The following IAH1 variants were observed in gnomAD, a reference collection of about 807,000 sequenced individuals.
IAH1 encodes the protein isoamyl acetate hydrolyzing esterase 1 (putative), also known as isoamyl acetate-hydrolyzing esterase 1 homolog.
A neutral mutation model predicts 26.7 loss-of-function variants in IAH1; 24 were observed. The ratio of observed to expected loss-of-function variants is 0.90; its 90% CI spans 0.65 to 1.26. The LOEUF (loss-of-function observed/expected upper bound fraction) is 1.26, where lower values mean the gene tolerates loss of function less well. Ranked by LOEUF, IAH1 falls within the 50% of genes most tolerant of loss-of-function variation. The probability of loss-of-function intolerance (pLI) is 0.00; values close to 1 mark genes in which losing one functional copy is unlikely to be tolerated. For synonymous variants in IAH1, 140 were observed against 118.5 expected, an observed-to-expected ratio of 1.18 and a Z score of -1.18; for missense variants, 300 against 299.9, an observed-to-expected ratio of 1.00 and a Z score of 0.00.
Position 9,474,944 on chromosome 2 carries a change from G to T in IAH1, c.81+297G>T. 1 of 942,486 alleles carries T rather than the reference G, an allele frequency of 1.1e-6. No homozygotes were observed. Among genetic ancestry groups the T allele is most frequent in the Non-Finnish European group, 1.3e-6 (1 of 761,702 alleles). The allele number at this position is 942,486 out of a possible 1,614,324, so 58.4% of individuals were successfully genotyped here. A position where few individuals can be genotyped will look rare whatever the true frequency, so the allele number is the denominator to read the frequency against. On this transcript the variant is annotated intron_variant, in intron 1 of 5. Transcript: ENST00000497473. The surrounding 1 kb of genome is among the most constrained non-coding windows in gnomAD (Gnocchi z 4.3). ...CCTCCCACCCGGGTCGAGATGCGCG[G>T]TCTTCCCCTCAGCGCCCTCCTGGGC...
At chr2:9,506,407 A>G in the IAH1 span, among the ~76,000 whole-genome samples, 1 of 122,200 alleles carries the variant, frequency 8.2e-6, no homozygotes, top group Non-Finnish European at 1.6e-5. Flanking sequence ...TTGCTCTGTC[A>G]CCAGGCTGGA....
chr2:9,484,480 C>G lies in IAH1; in HGVS notation c.494C>G (p.Ala165Gly). 1.9e-6 allele frequency: 3 copies of G among 1,614,152 alleles called. No individual in the cohort carries two copies. The highest frequency in any genetic ancestry group is 2.5e-6 in the Non-Finnish European group (3 of 1,180,004). ...LNSVVGEYAN[A>G]CLQVAQDCGT... The stretch of plus-strand genomic sequence containing the variant: ...TCTGTTGTTGGTGAATATGCCAATG[C>G]GTGTTTACAAGTGGCCCAAGACTGT... The change falls in exon 5 of 6, where the codon GCG becomes GGG. Residue 165 changes from alanine to glycine, a missense_variant. Coordinates refer to ENST00000497473, the MANE Select transcript of IAH1 (RefSeq NM_001039613.3).
chr2:9,484,202 G>T (rs1192686186), intron 4 of IAH1, among the ~76,000 whole-genome samples: 2 of 152,146 alleles, frequency 1.3e-5, no homozygotes, highest in African/African-American at 4.8e-5. Context: ...AGAAGATTCC[G>T]GTTACCACTG....
In IAH1 at chr2:9,488,316, A is replaced by G. The variant is rs751867666; in HGVS notation, c.734A>G (p.Asp245Gly). 2 of 1,605,212 alleles carry G rather than the reference A, an allele frequency of 1.2e-6. No homozygotes were observed. The highest frequency in any genetic ancestry group is 1.7e-6 in the Non-Finnish European group (2 of 1,177,116). Residue 245 changes from aspartate to glycine, a missense_variant, in exon 6 of 6, where the codon GAT becomes GGT. Transcript: ENST00000497473. ...AAACCTGAATTAAGTCTGCTGGGAG[A>G]TGGAGACCATTAGCCAATCACAGGA... Reference protein sequence around the residue: ...EAKPELSLLGDGDH With the variant: ...EAKPELSLLGGGDH
chr2:9,483,101 A>T, intron 4 of IAH1, among the ~76,000 whole-genome samples: 1 of 152,234 alleles, frequency 6.6e-6, no homozygotes, highest in Non-Finnish European at 1.5e-5. Flanking sequence ...TTCCCAGGAA[A>T]ATAATATATA....
At chr2:9,479,684 T>C (rs1661041744) in intron 3 of IAH1, among the ~76,000 whole-genome samples, 1 of 151,878 alleles carries the variant, frequency 6.6e-6, no homozygotes, top group Non-Finnish European at 1.5e-5. Context: ...TGTGATCCTC[T>C]GGAAAGCTGT....
chr2:9,487,787 T>TG (rs1340270063), intron 5 of IAH1, among the ~76,000 whole-genome samples: 26 of 107,568 alleles, frequency 2.4e-4, no homozygotes, highest in African/African-American at 4.0e-4. Context: ...CCCCGGCCTT[T>TG]TTGTGTGTGT....
rs1660949882 is a variant in IAH1 at position 9,478,337 on chromosome 2, A to G, written c.250A>G (p.Ile84Val). 6.2e-7 allele frequency: 1 copy of G among 1,611,400 alleles called. No individual in the cohort carries two copies. The highest frequency in any genetic ancestry group is 2.2e-5 in the East Asian group (1 of 44,762). The change falls in exon 3 of 6, where the codon ATT becomes GTT. Residue 84 changes from isoleucine to valine, a missense_variant. By Grantham distance (29) the Ile-to-Val change is conservative. Coordinates refer to ENST00000497473, the MANE Select transcript of IAH1 (RefSeq NM_001039613.3). ...TTTGGACATCCCAGTAGCAGTTACAATTTTCTTTGGGGCCAATGACAGTGC... is the reference window on the plus strand; with the variant it reads ...TTTGGACATCCCAGTAGCAGTTACAGTTTTCTTTGGGGCCAATGACAGTGC... ...NSLDIPVAVT[I>V]FFGANDSALK...
intron 1 of IAH1, chr2:9,475,266 C>A (rs1682416745): frequency 8.5e-7 from 1 of 1,176,782 alleles, no homozygotes; most frequent in African/African-American, 1.6e-5. Context: ...TGTGTGTCCT[C>A]TTCTCAGACA....
intron 2 of IAH1, among the ~76,000 whole-genome samples, chr2:9,476,469 T>C (rs902665717): frequency 1.3e-5 from 2 of 152,268 alleles, no homozygotes; most frequent in Admixed American, 1.3e-4. Context: ...GTTTTTGTTT[T>C]GCGACAGGGT....
chr2:9,491,276 C>T (rs1296710062), downstream of IAH1: 3 of 767,658 alleles, frequency 3.9e-6, no homozygotes, highest in African/African-American at 1.8e-5. Context: ...AAAGTGATAG[C>T]AGGCTCAACA....
At chr2:9,484,337 G>A in intron 4 of IAH1, 95 bp from the exon 5 acceptor site, 1 of 967,090 alleles carries the variant, frequency 1.0e-6, no homozygotes, top group Non-Finnish European at 1.6e-6. Flanking sequence ...ATATTTAATG[G>A]CATTTTGAAA....
Position 9,474,928 on chromosome 2 carries a change from C to A in IAH1, c.81+281C>A. 2.4e-6 allele frequency: 2 copies of A among 827,132 alleles called. No homozygotes were observed. The highest frequency in any genetic ancestry group is 3.1e-6 in the Non-Finnish European group (2 of 653,084). 51.2% of individuals were successfully genotyped at this position (827,132 alleles called of 1,614,324 possible). On this transcript the variant is annotated intron_variant, in intron 1 of 5. Transcript: ENST00000497473. The surrounding 1 kb of genome is among the most constrained non-coding windows in gnomAD (Gnocchi z 4.3). ...TGCCCGCCCCGCGCCGCCTCCCACCCGGGTCGAGATGCGCGGTCTTCCCCT... is the reference window on the plus strand; with the variant it reads ...TGCCCGCCCCGCGCCGCCTCCCACCAGGGTCGAGATGCGCGGTCTTCCCCT...
chr2:9,503,181 G>T, the IAH1 span, among the ~76,000 whole-genome samples: 1 of 151,286 alleles, frequency 6.6e-6, no homozygotes, highest in Non-Finnish European at 1.5e-5. Flanking sequence ...AGACAAGGTG[G>T]GGCCACAAGG....
intron 5 of IAH1, chr2:9,486,071 T>C (rs918381128): frequency 6.6e-6 from 1 of 152,254 alleles, no homozygotes; most frequent in African/African-American, 2.4e-5. Context: ...TGCCAACTTT[T>C]TCCTCTCCCC....
At chr2:9,477,681 C>CTT (rs1361446880) in intron 2 of IAH1, among the ~76,000 whole-genome samples, 2 of 150,946 alleles carry the variant, frequency 1.3e-5, no homozygotes, top group African/African-American at 4.9e-5. Context: ...TTTTTTTTCC[C>CTT]CCATTACACC....
rs151051276 is a variant in IAH1 at position 9,481,313 on chromosome 2, T to C, written c.311T>C (p.Leu104Pro). 10 of 1,614,064 alleles carry C rather than the reference T, an allele frequency of 6.2e-6. No homozygotes were observed. The Admixed American group carries it at 1.3e-4, about 22-fold the overall frequency. Residue 104 changes from leucine (L) to proline (P), a missense_variant, in exon 4 of 6, where the codon CTG becomes CCG. By Grantham distance (98) the Leu-to-Pro change is moderately conservative. Transcript: ENST00000497473. ...GAGAATCCCAAGCAGCACATTCCCC[T>C]GGAGGAGTACGCTGCGAACCTAAAG... ...KDENPKQHIPLEEYAANLKSM... is the reference protein window; with the variant it reads ...KDENPKQHIPPEEYAANLKSM...
chr2:9,487,891 T>C (rs1156837766), intron 5 of IAH1, among the ~76,000 whole-genome samples: 1 of 150,980 alleles, frequency 6.6e-6, no homozygotes, highest in Non-Finnish European at 1.5e-5. Context: ...TGGAACTCAG[T>C]GGTGCAATGA....
At position 9,488,357 on chromosome 2, in the gene IAH1, G is replaced by C. The variant is rs768296423; in HGVS notation, c.*28G>C. On this transcript the variant is annotated 3_prime_UTR_variant, in exon 6 of 6. Transcript: ENST00000497473. ...AATCACAGGAGACCCAAATCTGCTT[G>C]TTATCTACAGAACTCAAAGTTGTCA... 1.9e-6 allele frequency: 3 copies of C among 1,548,232 alleles called. No homozygotes were observed. Among genetic ancestry groups the C allele is most frequent in the Non-Finnish European group, 2.6e-6 (3 of 1,151,464 alleles).
Sources: gnomAD v4.1 joint callset for allele counts (sites outside exome capture counted in the v4.1 genomes callset) on GRCh38, gnomAD v4.1.1 for gene constraint, Gnocchi (gnomAD v3.1) non-coding constraint, MANE v1.5 for transcripts, NCBI Gene and HGNC (gene_info 2026-07-23, HGNC 2026-07-21) for gene names.